The following DPP10 variants were observed in gnomAD, a reference collection of about 807,000 sequenced individuals.
DPP10 encodes the protein inactive dipeptidyl peptidase 10.
DPP10 carries 33 observed loss-of-function variants against 120.9 expected under a neutral mutation model. The ratio of observed to expected loss-of-function variants is 0.27; its 90% CI spans 0.21 to 0.37. The LOEUF (loss-of-function observed/expected upper bound fraction) is 0.37, where lower values mean the gene tolerates loss of function less well. Ranked by LOEUF, DPP10 falls within the 10% of genes least tolerant of loss-of-function variation. The pLI, the probability that DPP10 is intolerant of heterozygous loss-of-function variation, is 1.00. For missense variants in DPP10, 816 were observed against 942.8 expected, an observed-to-expected ratio of 0.87 and a Z score of 1.76; for synonymous variants, 337 against 326.1, an observed-to-expected ratio of 1.03 and a Z score of -0.36.
chr2:114,451,599 A>G (rs1180229750), intron 1 of DPP10, among the ~76,000 whole-genome samples: 1 of 152,160 alleles, frequency 6.6e-6, no homozygotes, highest in Admixed American at 6.6e-5. Context: ...ACTGTCATGA[A>G]AGTATTTAAT....
At chr2:115,173,691 T>C (rs1416704917) in intron 1 of DPP10, among the ~76,000 whole-genome samples, 1 of 152,182 alleles carries the variant, frequency 6.6e-6, no homozygotes, top group East Asian at 1.9e-4. Context: ...CAGATGGTAA[T>C]TATTAGTAAC....
At chr2:114,771,803 G>A (rs562113574) in intron 1 of DPP10, among the ~76,000 whole-genome samples, 6 of 152,254 alleles carry the variant, frequency 3.9e-5, no homozygotes, top group Admixed American at 3.9e-4. Context: ...AATATTAAAA[G>A]TTTCCAACTC....
At chr2:114,665,405 CTT>C (rs1328814603) in intron 1 of DPP10, among the ~76,000 whole-genome samples, 3 of 152,078 alleles carry the variant, frequency 2.0e-5, no homozygotes, top group Non-Finnish European at 2.9e-5. Flanking sequence ...CCTTTTTTCT[CTT>C]ATCATTTTTT....
At chr2:115,415,893 A>G (rs2069381447) in intron 3 of DPP10, among the ~76,000 whole-genome samples, 1 of 143,634 alleles carries the variant, frequency 7.0e-6, no homozygotes, top group Non-Finnish European at 1.5e-5. Flanking sequence ...ACACACATAC[A>G]TTCATATTTA....
intron 1 of DPP10, among the ~76,000 whole-genome samples, chr2:115,043,754 T>C (rs1437614951): frequency 1.3e-5 from 2 of 152,162 alleles, no homozygotes; most frequent in Non-Finnish European, 2.9e-5. Context: ...AAAATTGGCT[T>C]TCATTTGAAA....
At chr2:114,894,242 A>G (rs970205631) in intron 1 of DPP10, among the ~76,000 whole-genome samples, 3 of 152,214 alleles carry the variant, frequency 2.0e-5, no homozygotes, top group African/African-American at 7.2e-5. Context: ...ACACAATACA[A>G]ACCAGAAGTT....
chr2:114,578,876 A>G (rs1690267942), intron 1 of DPP10, among the ~76,000 whole-genome samples: 1 of 152,228 alleles, frequency 6.6e-6, no homozygotes, highest in South Asian at 2.1e-4. Context: ...CTATGTTTGT[A>G]CTTTTACATT....
At chr2:114,456,061 G>A (rs752542544) in intron 1 of DPP10, among the ~76,000 whole-genome samples, 8 of 152,056 alleles carry the variant, frequency 5.3e-5, no homozygotes, top group Non-Finnish European at 1.0e-4. Flanking sequence ...ATCATTATAT[G>A]CTGACAGGTG....
rs74736666 is a variant in DPP10 at position 114,662,535 on chromosome 2, A to G, written c.60+219697A>G. Among the ~76,000 whole-genome samples the G allele has an allele frequency of 2.3e-3, 350 of 152,140 alleles. 4 individuals are homozygous for G. Among genetic ancestry groups the G allele is most frequent in the East Asian group, 3.1e-3 (16 of 5,122 alleles). On this transcript the variant is annotated intron_variant, in intron 1 of 25. Coordinates refer to ENST00000410059, the MANE Select transcript of DPP10 (RefSeq NM_020868.6). ...CCGCGACCACTACAAGACAACGTCC[A>G]GAGACCCAGCCCCGGAAATGAAGAA...
intron 19 of DPP10, among the ~76,000 whole-genome samples, chr2:115,805,180 C>A (rs1240515382): frequency 1.3e-5 from 2 of 152,266 alleles, no homozygotes; most frequent in African/African-American, 2.4e-5. Flanking sequence ...TGATCTCAGA[C>A]TGCTGTGCTA....
intron 1 of DPP10, among the ~76,000 whole-genome samples, chr2:114,789,517 G>T (rs1223314310): frequency 1.3e-5 from 2 of 152,256 alleles, no homozygotes; most frequent in Admixed American, 6.5e-5. Flanking sequence ...TGAGCCAGTA[G>T]CATGGCGTCA....
At chr2:114,578,204 T>C (rs1466284537) in intron 1 of DPP10, among the ~76,000 whole-genome samples, 1 of 152,228 alleles carries the variant, frequency 6.6e-6, no homozygotes, top group Non-Finnish European at 1.5e-5. Context: ...TAATTGGCTC[T>C]GGTGTTGAAG....
At chr2:114,550,814 C>T (rs931745708) in intron 1 of DPP10, among the ~76,000 whole-genome samples, 2 of 152,198 alleles carry the variant, frequency 1.3e-5, no homozygotes, top group East Asian at 1.9e-4. Flanking sequence ...ACAGTTTCTA[C>T]CTTTCTCTCA....
intron 5 of DPP10, among the ~76,000 whole-genome samples, chr2:115,548,271 C>G (rs752519209): frequency 1.8e-4 from 28 of 152,050 alleles, no homozygotes; most frequent in Non-Finnish European, 2.9e-4. Flanking sequence ...ATCCTTCTTA[C>G]CAACCAGAAA....
chr2:115,794,436 G>C (rs896426946), intron 19 of DPP10, among the ~76,000 whole-genome samples: 4 of 152,040 alleles, frequency 2.6e-5, no homozygotes, highest in African/African-American at 9.7e-5. Context: ...TCCCTTGCTT[G>C]GTCATATGTT....
At chr2:114,812,583 GACACACACACACAC>G (rs3036385) in intron 1 of DPP10, among the ~76,000 whole-genome samples, 8 of 134,460 alleles carry the variant, frequency 5.9e-5, no homozygotes, top group East Asian at 2.1e-4. Flanking sequence ...GTGAGACATT[GACACACACACACAC>G]ACACACACAC....
intron 1 of DPP10, among the ~76,000 whole-genome samples, chr2:114,649,705 T>C (rs1365232532): frequency 6.6e-6 from 1 of 152,208 alleles, no homozygotes; most frequent in Non-Finnish European, 1.5e-5. Flanking sequence ...TATAGGATTT[T>C]AAACTGTCTA....
intron 5 of DPP10, among the ~76,000 whole-genome samples, chr2:115,554,540 A>T (rs1193083659): frequency 6.6e-6 from 1 of 152,118 alleles, no homozygotes; most frequent in Non-Finnish European, 1.5e-5. Flanking sequence ...TATTGATTAT[A>T]GTAGCCCCAG....
chr2:115,494,304 G>A (rs531199406), intron 3 of DPP10, among the ~76,000 whole-genome samples: 14 of 152,160 alleles, frequency 9.2e-5, no homozygotes, highest in South Asian at 2.1e-4. Flanking sequence ...AGCTTAGAGC[G>A]CATTGACTTG....
Sources: allele counts gnomAD v4.1 joint callset (sites outside exome capture counted in the v4.1 genomes callset), GRCh38; gene constraint gnomAD v4.1.1; transcripts MANE v1.5; gene names NCBI Gene and HGNC (gene_info 2026-07-23, HGNC 2026-07-21).